Variants in HOXC4 observed in about 807,000 individuals in gnomAD.
The protein encoded by HOXC4 is homeobox C4.
HOXC4 carries 15 observed loss-of-function variants against 25.5 expected under a neutral mutation model. The observed-to-expected ratio is 0.59, with a 90% CI of 0.39 to 0.91. HOXC4 has a LOEUF of 0.91. Ranked by LOEUF, HOXC4 falls within the 40% of genes least tolerant of loss-of-function variation. HOXC4 has a pLI of 0.00. For missense variants in HOXC4, 342 were observed against 352.4 expected (o/e 0.97, Z 0.24); for synonymous variants, 165 against 148.0 (o/e 1.11, Z -0.83).
chr12:54,055,153 A>C lies in HOXC4; in HGVS notation c.743A>C (p.Gln248Pro). 6.2e-7 allele frequency: 1 copy of C among 1,612,704 alleles called. No homozygotes were observed. The highest frequency in any genetic ancestry group is 1.1e-5 in the South Asian group (1 of 90,974). Residue 248 changes from glutamine to proline, a missense_variant, in exon 2 of 2, where the codon CAG becomes CCG. Physicochemically the swap from Gln to Pro is moderately conservative, Grantham distance 76 (BLOSUM62 -1). Coordinates refer to ENST00000430889, the MANE Select transcript of HOXC4 (RefSeq NM_153633.3). The part of the protein sequence containing the change: ...ATPGTSEDHS[Q>P]SATPPEQQRA... Reference sequence around the variant, plus strand: ...CCGGGTACTTCTGAAGACCACTCCCAGAGCGCCACGCCGCCGGAGCAGCAA... The same window carrying C: ...CCGGGTACTTCTGAAGACCACTCCCCGAGCGCCACGCCGCCGGAGCAGCAA...
At chr12:54,024,411 A>G (rs1471805335) in intron 1 of HOXC4, among the ~76,000 whole-genome samples, 1 of 152,178 alleles carries the variant, frequency 6.6e-6, no homozygotes, top group South Asian at 2.1e-4. Context: ...GAGTATGTGT[A>G]TCTGTGTGCG....
intron 1 of HOXC4, 143 bp from the exon 2 acceptor site, chr12:54,054,707 C>T: frequency 1.6e-6 from 1 of 631,388 alleles, no homozygotes; most frequent in Non-Finnish European, 2.8e-6. Flanking sequence ...CTTCCTTCAA[C>T]TTCTTTATAA....
intron 1 of HOXC4, chr12:54,035,126 C>A (rs1565747124): frequency 6.5e-6 from 1 of 154,190 alleles, no homozygotes; most frequent in Non-Finnish European, 1.4e-5. Context: ...CCCCAGCCTG[C>A]GCCTGCTGCA....
intron 1 of HOXC4, among the ~76,000 whole-genome samples, chr12:54,046,534 G>T (rs924358462): frequency 6.7e-6 from 1 of 150,218 alleles, no homozygotes; most frequent in African/African-American, 2.4e-5. Context: ...CTCCTTGAGG[G>T]AAATATATAT....
upstream of HOXC4, among the ~76,000 whole-genome samples, chr12:54,052,897 G>C (rs1195057887): frequency 1.3e-5 from 2 of 152,186 alleles, no homozygotes; most frequent in Non-Finnish European, 2.9e-5. Context: ...GCCCTCTGTG[G>C]GGACAGAGAA....
intron 1 of HOXC4, chr12:54,033,526 C>T: frequency 6.4e-7 from 1 of 1,561,098 alleles, no homozygotes; most frequent in Non-Finnish European, 8.6e-7. Flanking sequence ...AGCCAGCCAC[C>T]GGCCCCGCCA....
At chr12:54,038,490 G>C (rs564038934) in intron 1 of HOXC4, among the ~76,000 whole-genome samples, 3 of 152,212 alleles carry the variant, frequency 2.0e-5, no homozygotes, top group Non-Finnish European at 4.4e-5. Flanking sequence ...GGAGGGTTTT[G>C]TGGCTTCTAC....
intron 1 of HOXC4, among the ~76,000 whole-genome samples, chr12:54,037,670 C>T (rs1200131887): frequency 6.6e-6 from 1 of 152,254 alleles, no homozygotes; most frequent in African/African-American, 2.4e-5. Flanking sequence ...AAAGGAACAG[C>T]ACCAGGGCTT....
intron 1 of HOXC4, among the ~76,000 whole-genome samples, chr12:54,048,686 A>G (rs1346579809): frequency 6.6e-6 from 1 of 152,126 alleles, no homozygotes. Context: ...TCTTGGGTGC[A>G]TAATCTCATG....
Position 54,031,373 on chromosome 12 carries a change from G to A in HOXC4, c.-124+13959G>A, listed in dbSNP as rs575199036. On this transcript the variant is annotated intron_variant, in intron 1 of 3. Coordinates refer to the HOXC4 transcript ENST00000303406. ...GGAGCCCTGTCGGCAGGGATTGAGC[G>A]ATTCAAGGACATCTCGAGAGAGAAA... 5.8e-4 allele frequency among the ~76,000 whole-genome samples: 89 copies of A among 152,306 alleles called. 2 individuals are homozygous for A. The South Asian group carries it at 0.016, about 27-fold the overall frequency.
At chr12:54,034,161 T>G (rs1941109075) in intron 1 of HOXC4, 1 of 1,008,974 alleles carries the variant, frequency 9.9e-7, no homozygotes, top group Non-Finnish European at 1.6e-6. Flanking sequence ...TGGCCTGTCT[T>G]GCGGCTCTCG....
intron 1 of HOXC4, chr12:54,029,831 C>G: frequency 6.2e-7 from 1 of 1,613,822 alleles, no homozygotes; most frequent in Non-Finnish European, 8.5e-7. Context: ...CCAGAACCGC[C>G]GGATGAAGTG....
chr12:54,027,006 C>T (rs1282723392), intron 1 of HOXC4, among the ~76,000 whole-genome samples: 1 of 151,876 alleles, frequency 6.6e-6, no homozygotes, highest in Admixed American at 6.6e-5. Flanking sequence ...CCCGCACACT[C>T]CCCACCACCC....
At chr12:54,027,903 AT>A (rs937846599) in intron 1 of HOXC4, among the ~76,000 whole-genome samples, 5 of 151,012 alleles carry the variant, frequency 3.3e-5, no homozygotes, top group South Asian at 2.1e-4. Context: ...TCTACTTTTG[AT>A]TTTTTTTTAA....
chr12:54,030,742 T>C (rs1282631558), intron 1 of HOXC4: 1 of 152,622 alleles, frequency 6.6e-6, no homozygotes, highest in Non-Finnish European at 1.5e-5. Context: ...ATAAATCCCT[T>C]CGTGTTACCC....
intron 1 of HOXC4, chr12:54,033,050 C>G (rs1043092789): frequency 2.4e-6 from 3 of 1,265,328 alleles, no homozygotes; most frequent in Admixed American, 2.1e-5. Context: ...AACAAAAAAC[C>G]CCTCAACTTC....
chr12:54,023,566 TG>T (rs1163758027), intron 1 of HOXC4, among the ~76,000 whole-genome samples: 1 of 152,176 alleles, frequency 6.6e-6, no homozygotes, highest in African/African-American at 2.4e-5. Context: ...TGGAGGTGTT[TG>T]GGGGCAGTTC....
intron 1 of HOXC4, chr12:54,032,818 T>G (rs1941037346): frequency 7.5e-6 from 1 of 134,102 alleles, no homozygotes; most frequent in Non-Finnish European, 1.6e-5. Context: ...TCCCTCCCCC[T>G]TCCCTCTTTC....
chr12:54,052,613 C>T (rs966515968), upstream of HOXC4, among the ~76,000 whole-genome samples: 7 of 151,740 alleles, frequency 4.6e-5, no homozygotes, highest in African/African-American at 1.7e-4. Flanking sequence ...TTCCTGGCCC[C>T]CTCCCTCCTC....
Sources: gnomAD v4.1 joint callset for allele counts (sites outside exome capture counted in the v4.1 genomes callset) on GRCh38, gnomAD v4.1.1 for gene constraint, MANE v1.5 for transcripts, NCBI Gene and HGNC (gene_info 2026-07-23, HGNC 2026-07-21) for gene names.